Variants in KCNAB1 observed in about 807,000 individuals in gnomAD.
KCNAB1 encodes voltage-gated potassium channel subunit beta-1.
In KCNAB1, 35 loss-of-function variants were observed where a neutral mutation model predicts 64.6. The ratio of observed to expected loss-of-function variants is 0.54; its 90% CI spans 0.41 to 0.72. The LOEUF is 0.72. KCNAB1 is among the 30% of genes least tolerant of loss of function. The pLI is 0.00. For missense variants in KCNAB1, 401 were observed against 512.9 expected (o/e 0.78, Z 2.11); for synonymous variants, 177 against 183.8 (o/e 0.96, Z 0.30).
chr3:156,450,136 G>T (rs1164346328), intron 2 of KCNAB1, among the ~76,000 whole-genome samples: 2 of 152,172 alleles, frequency 1.3e-5, no homozygotes, highest in African/African-American at 4.8e-5. Flanking sequence ...AATTTCTGAT[G>T]AATGAGGAAA....
intron 8 of KCNAB1, among the ~76,000 whole-genome samples, chr3:156,513,674 G>A (rs953373433): frequency 3.9e-5 from 6 of 152,246 alleles, no homozygotes; most frequent in African/African-American, 1.2e-4. Context: ...ATGTGATGTC[G>A]AGCTCCATGA....
intron 12 of KCNAB1, among the ~76,000 whole-genome samples, chr3:156,530,375 G>T (rs1479520675): frequency 6.6e-6 from 1 of 152,194 alleles, no homozygotes; most frequent in Non-Finnish European, 1.5e-5. Flanking sequence ...CCAATGGAGG[G>T]ACTTGATTTT....
intron 7 of KCNAB1, among the ~76,000 whole-genome samples, chr3:156,474,092 G>A (rs6793839): frequency 0.023 from 3,451 of 152,024 alleles, 121 homozygotes; most frequent in African/African-American, 0.079. Flanking sequence ...TAGCATTAGC[G>A]TCCAGTGTTT....
intron 1 of KCNAB1, among the ~76,000 whole-genome samples, chr3:156,125,640 G>C (rs1300769880): frequency 6.6e-6 from 1 of 152,132 alleles, no homozygotes; most frequent in Non-Finnish European, 1.5e-5. Context: ...TTATTATCTA[G>C]GACAGTAGTT....
At chr3:156,342,678 G>A (rs891546153) in intron 1 of KCNAB1, among the ~76,000 whole-genome samples, 2 of 132,334 alleles carry the variant, frequency 1.5e-5, no homozygotes, top group African/African-American at 5.7e-5. Flanking sequence ...AGTTACATAT[G>A]TATACATGTG....
At chr3:156,197,741 C>T (rs1386323752) in intron 1 of KCNAB1, among the ~76,000 whole-genome samples, 1 of 152,090 alleles carries the variant, frequency 6.6e-6, no homozygotes, top group Non-Finnish European at 1.5e-5. Context: ...TTTCAAAAAA[C>T]CAGCTCCTAT....
chr3:156,188,034 C>T (rs1206565991), intron 1 of KCNAB1, among the ~76,000 whole-genome samples: 2 of 148,096 alleles, frequency 1.4e-5, no homozygotes, highest in African/African-American at 5.0e-5. Context: ...GAGCAATACA[C>T]CATTCATTCT....
chr3:156,166,336 A>T (rs1711558429), intron 1 of KCNAB1, among the ~76,000 whole-genome samples: 1 of 152,224 alleles, frequency 6.6e-6, no homozygotes, highest in African/African-American at 2.4e-5. Flanking sequence ...AAGGGTCTAG[A>T]AATCTTATCT....
chr3:156,380,152 T>C (rs1712042838), intron 1 of KCNAB1, among the ~76,000 whole-genome samples: 2 of 152,194 alleles, frequency 1.3e-5, no homozygotes, highest in South Asian at 4.1e-4. Flanking sequence ...ATCCATCAGC[T>C]GAGGTCTCTA....
chr3:156,421,157 G>A (rs187969278), intron 1 of KCNAB1, among the ~76,000 whole-genome samples: 91 of 152,224 alleles, frequency 6.0e-4, no homozygotes, highest in Admixed American at 3.8e-3. Flanking sequence ...TCTACTTACC[G>A]TGTGTCAGGC....
chr3:156,319,185 C>T (rs557949652), intron 1 of KCNAB1, among the ~76,000 whole-genome samples: 3 of 152,288 alleles, frequency 2.0e-5, no homozygotes, highest in South Asian at 4.1e-4. Context: ...TTCATACAGT[C>T]AGCCTGGCAG....
rs146076982 is a variant in KCNAB1, at chr3:156,229,583, A to G, written c.275+108697A>G. ...ACTTATTCATCCTGAAGTGTAATCA[A>G]TGGAGGAGTAAGATGATATAGAGTC... On this transcript the variant is annotated intron_variant, in intron 1 of 13. Transcript: ENST00000490337. 9.2e-5 allele frequency among the ~76,000 whole-genome samples: 14 copies of G among 152,334 alleles called. No homozygotes were observed. The East Asian group carries it at 2.1e-3, about 23-fold the overall frequency.
At chr3:156,215,075 G>A (rs1715233949) in intron 1 of KCNAB1, among the ~76,000 whole-genome samples, 1 of 152,172 alleles carries the variant, frequency 6.6e-6, no homozygotes, top group Non-Finnish European at 1.5e-5. Flanking sequence ...ATTTCTGAGT[G>A]CCTACTTCAT....
At chr3:156,341,066 T>A (rs181791680) in intron 1 of KCNAB1, among the ~76,000 whole-genome samples, 1 of 152,348 alleles carries the variant, frequency 6.6e-6, no homozygotes, top group African/African-American at 2.4e-5. Context: ...ATTTTTACAT[T>A]TAAGTATTTT....
chr3:156,524,241 T>G (rs1426149983), intron 12 of KCNAB1: 1 of 216,482 alleles, frequency 4.6e-6, no homozygotes, highest in Non-Finnish European at 9.0e-6. Flanking sequence ...TGTAGTGACA[T>G]CCATTTCTTC....
At chr3:156,492,389 G>C (rs1451836738) in intron 8 of KCNAB1, among the ~76,000 whole-genome samples, 3 of 152,116 alleles carry the variant, frequency 2.0e-5, no homozygotes, top group Non-Finnish European at 4.4e-5. Context: ...TGTTATATTA[G>C]TTTGGGGGCC....
chr3:156,404,761 C>T (rs1458215353), intron 1 of KCNAB1, among the ~76,000 whole-genome samples: 2 of 152,170 alleles, frequency 1.3e-5, no homozygotes, highest in Non-Finnish European at 1.5e-5. Flanking sequence ...TGATTCCAGC[C>T]TCCCACTACT....
chr3:156,202,212 C>T (rs1312749259), intron 1 of KCNAB1, among the ~76,000 whole-genome samples: 1 of 152,214 alleles, frequency 6.6e-6, no homozygotes, highest in Non-Finnish European at 1.5e-5. Flanking sequence ...AAGCAGCTCT[C>T]CCTGCCAACT....
intron 1 of KCNAB1, among the ~76,000 whole-genome samples, chr3:156,298,513 G>GA (rs1442115665): frequency 1.3e-5 from 2 of 152,076 alleles, no homozygotes. Context: ...TCTGAAAGGA[G>GA]AAAAAAATCC....
Sources: allele counts gnomAD v4.1 joint callset (sites outside exome capture counted in the v4.1 genomes callset), GRCh38; gene constraint gnomAD v4.1.1; transcripts MANE v1.5; gene names NCBI Gene and HGNC (gene_info 2026-07-23, HGNC 2026-07-21).